Variants in MTUS2 observed in about 807,000 individuals in gnomAD.
MTUS2 encodes the protein microtubule-associated tumor suppressor candidate 2.
Under a neutral mutation model 114.1 loss-of-function variants are expected in MTUS2, and 40 were observed. That is an observed-to-expected ratio of 0.35 (90% CI 0.27 to 0.46). The LOEUF (loss-of-function observed/expected upper bound fraction) is 0.46, where lower values mean the gene tolerates loss of function less well. Ranked by LOEUF, MTUS2 falls within the 20% of genes least tolerant of loss-of-function variation. The pLI is 1.00. For synonymous variants in MTUS2, 688 were observed against 672.0 expected, an observed-to-expected ratio of 1.02 and a Z score of -0.37; for missense variants, 1,679 against 1,705.4, an observed-to-expected ratio of 0.98 and a Z score of 0.27.
chr13:28,861,549 A>C (rs548751924), intron 2 of MTUS2, among the ~76,000 whole-genome samples: 13 of 151,976 alleles, frequency 8.6e-5, no homozygotes, highest in African/African-American at 3.1e-4. Flanking sequence ...AATGCCTGGC[A>C]TTTAGCAGTC....
chr13:28,999,798 G>A (rs1308654091), intron 2 of MTUS2, among the ~76,000 whole-genome samples: 1 of 152,120 alleles, frequency 6.6e-6, no homozygotes, highest in African/African-American at 2.4e-5. Context: ...CCAGCCTCTG[G>A]TAACCACTAT....
intron 8 of MTUS2, among the ~76,000 whole-genome samples, chr13:29,412,592 T>C (rs1875335151): frequency 6.6e-6 from 1 of 152,134 alleles, no homozygotes; most frequent in Admixed American, 6.6e-5. Context: ...ACTTAATTAT[T>C]AAAAGAATAA....
chr13:28,885,260 T>C (rs1189201228), intron 2 of MTUS2, among the ~76,000 whole-genome samples: 1 of 152,200 alleles, frequency 6.6e-6, no homozygotes, highest in Non-Finnish European at 1.5e-5. Flanking sequence ...TGTGTTCAAC[T>C]AGATTTAAAA....
chr13:29,016,150 A>G (rs1209464675), intron 2 of MTUS2, among the ~76,000 whole-genome samples: 1 of 152,070 alleles, frequency 6.6e-6, no homozygotes, highest in Non-Finnish European at 1.5e-5. Context: ...TGATCCACCC[A>G]CCTCAGCCTC....
At chr13:29,468,014 G>A (rs1172723188) in intron 9 of MTUS2, among the ~76,000 whole-genome samples, 1 of 152,028 alleles carries the variant, frequency 6.6e-6, no homozygotes, top group Non-Finnish European at 1.5e-5. Flanking sequence ...ATCGGTGGTG[G>A]GAGATGAGGT....
At chr13:28,950,194 G>A (rs1009516911) in intron 2 of MTUS2, among the ~76,000 whole-genome samples, 4 of 152,164 alleles carry the variant, frequency 2.6e-5, no homozygotes, top group Non-Finnish European at 5.9e-5. Flanking sequence ...ATTTCCAAAT[G>A]ATTAGTGCTG....
intron 7 of MTUS2, among the ~76,000 whole-genome samples, chr13:29,350,866 C>T (rs1430526213): frequency 7.9e-5 from 12 of 151,446 alleles, no homozygotes; most frequent in Middle Eastern, 3.4e-3. Context: ...GCACTAATCC[C>T]ATTCATGAGG....
rs1051899049 is a variant in MTUS2 at position 28,905,261 on chromosome 13, G to T, written c.-243+65411G>T. Among the ~76,000 whole-genome samples the T allele has an allele frequency of 1.7e-4, 26 of 151,458 alleles. 1 individual carries two copies. The highest frequency in any genetic ancestry group is 6.3e-4 in the African/African-American group (26 of 41,004). ...TGCCCTTTATTTCCTTCTCCTGCCT[G>T]ATTGCCCTGGCCAGAACTTCCAACA... On this transcript the variant is annotated intron_variant, in intron 2 of 15. Coordinates refer to ENST00000612955, the MANE Select transcript of MTUS2 (RefSeq NM_001033602.4).
chr13:29,380,037 T>C (rs1223206451), intron 8 of MTUS2, among the ~76,000 whole-genome samples: 1 of 152,222 alleles, frequency 6.6e-6, no homozygotes, highest in African/African-American at 2.4e-5. Flanking sequence ...ACAATAACTG[T>C]ATGTGAGACA....
intron 5 of MTUS2, among the ~76,000 whole-genome samples, chr13:29,138,598 A>G (rs1029871985): frequency 4.0e-5 from 6 of 151,240 alleles, no homozygotes; most frequent in Non-Finnish European, 5.9e-5. Flanking sequence ...GGGATGACTA[A>G]TGAGTGCAGG....
At position 28,928,338 on chromosome 13, in the gene MTUS2, T is replaced by C. The variant is rs77937061; in HGVS notation, c.-243+88488T>C. On this transcript the variant is annotated intron_variant, in intron 2 of 15. Transcript: ENST00000612955. Reference sequence around the variant, plus strand: ...ACATAACCCCCAGAATGGGAGAAAATATTTGCAAATTACCCACTTGACAAG... The same window carrying C: ...ACATAACCCCCAGAATGGGAGAAAACATTTGCAAATTACCCACTTGACAAG... Among the ~76,000 whole-genome samples the C allele has an allele frequency of 1.5e-3, 234 of 151,898 alleles. 8 individuals are homozygous for C. In the East Asian group the frequency reaches 0.042, roughly 27 times the overall value.
At chr13:28,865,087 GTGTC>G (rs1347946284) in intron 2 of MTUS2, among the ~76,000 whole-genome samples, 2 of 152,158 alleles carry the variant, frequency 1.3e-5, no homozygotes, top group East Asian at 1.9e-4. Flanking sequence ...GTCTATGTGT[GTGTC>G]TGTATGTATG....
chr13:28,895,938 G>A (rs1593279263), intron 2 of MTUS2, among the ~76,000 whole-genome samples: 1 of 152,126 alleles, frequency 6.6e-6, no homozygotes, highest in East Asian at 1.9e-4. Flanking sequence ...TGGATAATGT[G>A]GTGTGGGAAC....
chr13:28,999,769 T>C (rs1415384315), intron 2 of MTUS2, among the ~76,000 whole-genome samples: 1 of 152,190 alleles, frequency 6.6e-6, no homozygotes, highest in African/African-American at 2.4e-5. Context: ...CTCCTCATCC[T>C]CTTCTGCCCC....
At chr13:29,063,282 G>A (rs1888506124) in intron 4 of MTUS2, among the ~76,000 whole-genome samples, 1 of 152,160 alleles carries the variant, frequency 6.6e-6, no homozygotes, top group Non-Finnish European at 1.5e-5. Flanking sequence ...AGAATGTCAG[G>A]ATGTAATTTG....
intron 5 of MTUS2, among the ~76,000 whole-genome samples, chr13:29,186,737 G>A (rs1185257114): frequency 1.3e-5 from 2 of 152,102 alleles, no homozygotes; most frequent in African/African-American, 4.8e-5. Context: ...ACGAGGAGGT[G>A]GAAAACTTTA....
intron 5 of MTUS2, among the ~76,000 whole-genome samples, chr13:29,175,060 C>T (rs919629969): frequency 1.3e-5 from 2 of 152,096 alleles, no homozygotes; most frequent in Non-Finnish European, 2.9e-5. Context: ...TATACATAAC[C>T]AGGATCTGAG....
intron 8 of MTUS2, among the ~76,000 whole-genome samples, chr13:29,397,688 A>G (rs1008899458): frequency 4.6e-5 from 7 of 152,164 alleles, no homozygotes; most frequent in African/African-American, 1.7e-4. Flanking sequence ...TCATAGGTGG[A>G]CCCTGCAGTG....
At chr13:29,307,622 T>G (rs1899536314) in intron 6 of MTUS2, 4 of 1,169,668 alleles carry the variant, frequency 3.4e-6, no homozygotes, top group South Asian at 2.4e-5. Flanking sequence ...TACCAGCTTG[T>G]CTCCTCTGAC....
Sources: allele counts gnomAD v4.1 joint callset (sites outside exome capture counted in the v4.1 genomes callset), GRCh38; gene constraint gnomAD v4.1.1; transcripts MANE v1.5; gene names NCBI Gene and HGNC (gene_info 2026-07-23, HGNC 2026-07-21).